Variants in MYO18B observed in about 807,000 individuals in gnomAD.
MYO18B encodes the protein unconventional myosin-XVIIIb.
MYO18B carries 204 observed loss-of-function variants against 273.0 expected under a neutral mutation model. The ratio of observed to expected loss-of-function variants is 0.75; its 90% confidence interval spans 0.67 to 0.84. The LOEUF is 0.84. Among genes scored for constraint, MYO18B ranks in the 40% least tolerant of loss-of-function variants. MYO18B has a pLI of 0.00. For synonymous variants in MYO18B, 1,330 were observed against 1,305.7 expected (o/e 1.02, Z -0.40); for missense variants, 3,212 against 3,287.6 (o/e 0.98, Z 0.56).
chr22:26,017,840 AG>A, intron 42 of MYO18B, among the ~76,000 whole-genome samples: 1 of 152,206 alleles, frequency 6.6e-6, no homozygotes, highest in East Asian at 1.9e-4. Flanking sequence ...CAGAAAGCAT[AG>A]AGAGCTCCCA....
rs148652749 is a variant in MYO18B at position 25,815,465 on chromosome 22, A to G, written c.2522-8040A>G. Among the ~76,000 whole-genome samples the G allele has an allele frequency of 3.7e-4, 57 of 152,296 alleles. 1 individual carries two copies. The East Asian group carries it at 9.8e-3, about 26-fold the overall frequency. On this transcript the variant is annotated intron_variant, in intron 12 of 43. Coordinates refer to ENST00000335473, the MANE Select transcript of MYO18B (RefSeq NM_032608.7). ...ACTCCTAGGTAGCTTGACACATTCA[A>G]TGTCTTATTTCATTCTTAAAACAAC... is the stretch of plus-strand genomic sequence containing the variant.
Position 26,013,390 on chromosome 22 carries a change from T to G in MYO18B, c.6470+8535T>G, listed in dbSNP as rs568761771. Among the ~76,000 whole-genome samples, 3 of 152,270 alleles carry G rather than the reference T, an allele frequency of 2.0e-5. No individual in the cohort carries two copies. The South Asian group carries it at 6.2e-4, about 32-fold the overall frequency. On this transcript the variant is annotated intron_variant, in intron 42 of 43. Transcript: ENST00000335473. Reference sequence around the variant, plus strand: ...TTATACCACCACTGAGAAACCACAGTCAATAATATGCCATTGTGTGAACAT... The same window carrying G: ...TTATACCACCACTGAGAAACCACAGGCAATAATATGCCATTGTGTGAACAT...
At chr22:25,842,869 G>T (rs1475318681) in intron 17 of MYO18B, among the ~76,000 whole-genome samples, 1 of 152,068 alleles carries the variant, frequency 6.6e-6, no homozygotes, top group African/African-American at 2.4e-5. Context: ...ATGATGCTGG[G>T]CACTGGGGAT....
intron 17 of MYO18B, among the ~76,000 whole-genome samples, chr22:25,840,541 CA>C (rs1346924091): frequency 1.3e-5 from 2 of 152,254 alleles, no homozygotes; most frequent in African/African-American, 4.8e-5. Flanking sequence ...TGCATGGTGA[CA>C]GGGGCGAGGC....
chr22:25,972,729 G>C (rs1005273469), intron 39 of MYO18B, among the ~76,000 whole-genome samples: 1 of 152,230 alleles, frequency 6.6e-6, no homozygotes, highest in African/African-American at 2.4e-5. Context: ...GCCGAGGCAG[G>C]TGGATCACCT....
intron 33 of MYO18B, among the ~76,000 whole-genome samples, chr22:25,916,662 G>A (rs1188866283): frequency 6.6e-6 from 1 of 152,084 alleles, no homozygotes; most frequent in East Asian, 1.9e-4. Flanking sequence ...CAGATAACAT[G>A]GTAGAATGCA....
At chr22:25,975,269 A>G (rs1033951440) in intron 39 of MYO18B, among the ~76,000 whole-genome samples, 1 of 152,182 alleles carries the variant, frequency 6.6e-6, no homozygotes, top group African/African-American at 2.4e-5. Flanking sequence ...GAATAAATGG[A>G]CCATGAGTGG....
intron 39 of MYO18B, among the ~76,000 whole-genome samples, chr22:25,987,335 T>C (rs1002189130): frequency 6.6e-6 from 1 of 152,222 alleles, no homozygotes; most frequent in African/African-American, 2.4e-5. Flanking sequence ...GGCAACTCTG[T>C]GATATGCTCC....
chr22:26,055,590 G>C, the MYO18B span, among the ~76,000 whole-genome samples: 1 of 152,236 alleles, frequency 6.6e-6, no homozygotes, highest in Non-Finnish European at 1.5e-5. Flanking sequence ...TGTTTGAAAA[G>C]AGAACAAACC....
chr22:25,754,591 C>T (rs551106273), intron 1 of MYO18B, among the ~76,000 whole-genome samples: 68 of 152,272 alleles, frequency 4.5e-4, no homozygotes, highest in African/African-American at 1.6e-3. Context: ...AGGGGAGACT[C>T]GCGATTTTAT....
intron 34 of MYO18B, among the ~76,000 whole-genome samples, chr22:25,926,898 G>A (rs1453268743): frequency 6.6e-6 from 1 of 152,180 alleles, no homozygotes; most frequent in Non-Finnish European, 1.5e-5. Flanking sequence ...ACATTTATTA[G>A]TTCCCCAAAT....
At chr22:25,874,929 T>C (rs937497253) in intron 23 of MYO18B, among the ~76,000 whole-genome samples, 1 of 152,180 alleles carries the variant, frequency 6.6e-6, no homozygotes, top group Non-Finnish European at 1.5e-5. Flanking sequence ...GAAGGTGAGA[T>C]GAAATGATGT....
intron 42 of MYO18B, among the ~76,000 whole-genome samples, chr22:26,017,391 C>T (rs1231828039): frequency 6.6e-6 from 1 of 151,646 alleles, no homozygotes; most frequent in Non-Finnish European, 1.5e-5. Flanking sequence ...CTCCTCCTTC[C>T]TCCTCTCCCT....
At chr22:25,831,525 G>C (rs1416503392) in intron 15 of MYO18B, among the ~76,000 whole-genome samples, 3 of 152,158 alleles carry the variant, frequency 2.0e-5, no homozygotes, top group African/African-American at 7.2e-5. Flanking sequence ...TGGGATTACA[G>C]GCACCTGCCA....
At chr22:25,977,078 C>T (rs1028364969) in intron 39 of MYO18B, among the ~76,000 whole-genome samples, 3 of 152,036 alleles carry the variant, frequency 2.0e-5, no homozygotes, top group East Asian at 1.9e-4. Flanking sequence ...GTTGAGGGGC[C>T]GACTGTAGGA....
intron 39 of MYO18B, among the ~76,000 whole-genome samples, chr22:25,969,970 A>G (rs1007164408): frequency 2.6e-5 from 4 of 152,046 alleles, no homozygotes; most frequent in African/African-American, 9.7e-5. Flanking sequence ...TTGCCATATC[A>G]TCTTCTTCAT....
At chr22:25,990,405 G>T (rs2093252123) in intron 39 of MYO18B, among the ~76,000 whole-genome samples, 1 of 152,050 alleles carries the variant, frequency 6.6e-6, no homozygotes. Context: ...GAAAAATGAG[G>T]CCGGGTGCAG....
rs770859252 is a variant in MYO18B at position 25,768,707 on chromosome 22, A to G, written c.791A>G (p.Gln264Arg). The change falls in exon 4 of 44, where the codon CAG (glutamine) becomes CGG (arginine). Residue 264 changes from glutamine to arginine, a missense_variant. By Grantham distance (43) the Gln-to-Arg change is conservative (BLOSUM62 1). Transcript: ENST00000335473. Reference sequence around the variant, plus strand: ...GCTGAGCCCCAGGGCAAAGACAGGCAGGGGACCAGGCCCCAAGCCCAAGGG... The same window carrying G: ...GCTGAGCCCCAGGGCAAAGACAGGCGGGGGACCAGGCCCCAAGCCCAAGGG... The part of the protein sequence containing the change: ...KEAEPQGKDR[Q>R]GTRPQAQGPG... 9 of 1,578,060 alleles carry G rather than the reference A, an allele frequency of 5.7e-6. No individual in the cohort carries two copies. The South Asian group carries it at 7.2e-5, about 13-fold the overall frequency.
chr22:25,851,051 TG>T (rs1407498943), intron 20 of MYO18B, among the ~76,000 whole-genome samples: 1 of 152,172 alleles, frequency 6.6e-6, no homozygotes, highest in Non-Finnish European at 1.5e-5. Flanking sequence ...GGTGGTAATA[TG>T]TGTTAGACAA....
Sources: gnomAD v4.1 joint callset for allele counts (sites outside exome capture counted in the v4.1 genomes callset) on GRCh38, gnomAD v4.1.1 for gene constraint, MANE v1.5 for transcripts, NCBI Gene and HGNC (gene_info 2026-07-23, HGNC 2026-07-21) for gene names.